ACACB: variants seen among roughly 807,000 people sequenced by gnomAD.
ACACB encodes acetyl-CoA carboxylase beta.
ACACB carries 209 observed loss-of-function variants against 278.8 expected under a neutral mutation model. The observed-to-expected ratio is 0.75, with a 90% CI of 0.67 to 0.84. The LOEUF is 0.84. Among genes scored for constraint, ACACB ranks in the 40% least tolerant of loss-of-function variants. The probability of loss-of-function intolerance (pLI) is 0.00; values close to 1 mark genes in which losing one functional copy is unlikely to be tolerated. For missense variants in ACACB, 2,850 were observed against 3,269.0 expected, an observed-to-expected ratio of 0.87 and a Z score of 3.13; for synonymous variants, 1,174 against 1,285.6, an observed-to-expected ratio of 0.91 and a Z score of 1.86.
At chr12:109,168,780 C>G (rs2044005108) in intron 4 of ACACB, among the ~76,000 whole-genome samples, 1 of 152,130 alleles carries the variant, frequency 6.6e-6, no homozygotes, top group African/African-American at 2.4e-5. Flanking sequence ...TGTGATTACA[C>G]CGCTGCATTC....
rs1272028578 is a variant in ACACB at position 109,237,281 on chromosome 12, C to T, written c.4563C>T (p.His1521=). ...TGCCCTGTGCCAACCACAAGATGCACCTTTACCTGGGTGCTGCCAAGGTGA... is the reference window on the plus strand; with the variant it reads ...TGCCCTGTGCCAACCACAAGATGCATCTTTACCTGGGTGCTGCCAAGGTGA... ...TAVPCANHKM[H]LYLGAAKVKE... is the part of the protein sequence containing the mutation. Residue 1521 remains histidine (H), a synonymous_variant, in exon 34 of 53, where the codon CAC becomes CAT. Coordinates refer to ENST00000338432, the MANE Select transcript of ACACB (RefSeq NM_001093.4). The T allele has an allele frequency of 1.2e-6, 2 of 1,614,180 alleles. No homozygotes were observed. Among genetic ancestry groups the T allele is most frequent in the Non-Finnish European group, 8.5e-7 (1 of 1,180,036 alleles).
At chr12:109,162,045 C>T (rs924714850) in intron 2 of ACACB, among the ~76,000 whole-genome samples, 1 of 150,576 alleles carries the variant, frequency 6.6e-6, no homozygotes, top group East Asian at 2.0e-4. Context: ...GGTGTGATCT[C>T]AGCTCACTGC....
Position 109,241,207 on chromosome 12 carries a change from TTCA to T in ACACB, c.4952_4954del (p.Ile1651del), listed in dbSNP as rs1320470289. The T allele has an allele frequency of 1.2e-6, 2 of 1,614,100 alleles. No individual in the cohort carries two copies. Among genetic ancestry groups the T allele is most frequent in the Non-Finnish European group, 1.7e-6 (2 of 1,180,046 alleles). ...CGGCAGTGCCGTTCCCATCCGCCTG[TTCA>T]TCACCAATGAGTCGGGCTACTACCT... On this transcript the variant is annotated inframe_deletion, in exon 36 of 53. Coordinates refer to ENST00000338432, the MANE Select transcript of ACACB (RefSeq NM_001093.4).
chr12:109,115,271 A>T (rs184055592), upstream of ACACB, among the ~76,000 whole-genome samples: 397 of 152,252 alleles, frequency 2.6e-3, 2 homozygotes, highest in African/African-American at 8.7e-3. Flanking sequence ...TGGAGGGAGG[A>T]TTCAAACCCA....
chr12:109,210,713 G>A (rs1303389381), intron 21 of ACACB, among the ~76,000 whole-genome samples: 4 of 151,168 alleles, frequency 2.6e-5, no homozygotes, highest in Non-Finnish European at 4.4e-5. Context: ...TCAGGAGTTC[G>A]AGACCAGCCT....
chr12:109,249,938 T>G (rs1292230485), intron 40 of ACACB, 46 bp from the exon 41 acceptor site: 1 of 1,563,094 alleles, frequency 6.4e-7, no homozygotes. Context: ...CACCTTGGAT[T>G]TTTTGGGGCT....
At chr12:109,132,142 T>C (rs1240170509) in intron 1 of ACACB, among the ~76,000 whole-genome samples, 7 of 151,666 alleles carry the variant, frequency 4.6e-5, no homozygotes, top group African/African-American at 1.7e-4. Flanking sequence ...ATAGTGACAA[T>C]GACAATAATA....
chr12:109,242,262 G>A, intron 36 of ACACB, 175 bp from the exon 37 acceptor site: 1 of 627,968 alleles, frequency 1.6e-6, no homozygotes, highest in Non-Finnish European at 2.7e-6. Context: ...TTCTTGTTCT[G>A]GCCCTCCACA....
At position 109,245,622 on chromosome 12, in the gene ACACB, C is replaced by G; in HGVS notation, c.5179-4C>G. On this transcript the variant is annotated splice_region_variant and splice_polypyrimidine_tract_variant and intron_variant, in intron 37 of 52. Transcript: ENST00000338432. ...GTTTTTTCTCTTTCCTCTTCTCTCC[C>G]CAGGCTCTCTTTAAACTGTGGGGCT... is the stretch of plus-strand genomic sequence containing the variant. 1 of 1,613,252 alleles carries G rather than the reference C, an allele frequency of 6.2e-7. No homozygotes were observed. The highest frequency in any genetic ancestry group is 2.2e-5 in the East Asian group (1 of 44,870).
chr12:109,177,104 G>T (rs1263228671), intron 9 of ACACB, among the ~76,000 whole-genome samples: 1 of 152,146 alleles, frequency 6.6e-6, no homozygotes, highest in Non-Finnish European at 1.5e-5. Context: ...ATATTTTAAA[G>T]AGCTGTATTC....
intron 11 of ACACB, among the ~76,000 whole-genome samples, chr12:109,183,664 C>T (rs962944763): frequency 2.0e-5 from 3 of 151,912 alleles, no homozygotes; most frequent in Non-Finnish European, 4.4e-5. Flanking sequence ...TTTGTCAATT[C>T]GAATTGTTTT....
chr12:109,232,618 A>G (rs1212595340), intron 28 of ACACB, 51 bp from the exon 29 acceptor site: 1 of 1,595,468 alleles, frequency 6.3e-7, no homozygotes, highest in Admixed American at 1.7e-5. Flanking sequence ...CAGCTCGTAG[A>G]GTTGGGTCTG....
Position 109,166,840 on chromosome 12 carries a change from T to C in ACACB, c.654-21T>C, listed in dbSNP as rs751697373. 8 of 1,613,812 alleles carry C rather than the reference T, an allele frequency of 5.0e-6. No individual in the cohort carries two copies. The Admixed American group carries it at 1.0e-4, about 20-fold the overall frequency. On this transcript the variant is annotated intron_variant, in intron 2 of 52. Transcript: ENST00000338432. ...AGGCTTCTTCCCTCATGCACGTCTG[T>C]CCCTCATTCTTATTCTGCAGGCCGA...
At chr12:109,202,267 C>G (rs894543158) in intron 19 of ACACB, among the ~76,000 whole-genome samples, 2 of 152,060 alleles carry the variant, frequency 1.3e-5, no homozygotes, top group Admixed American at 1.3e-4. Context: ...TGGCCAGTTT[C>G]CCTGTCATTC....
chr12:109,166,337 GA>G (rs1466949132), intron 2 of ACACB, among the ~76,000 whole-genome samples: 4 of 152,024 alleles, frequency 2.6e-5, no homozygotes, highest in African/African-American at 9.7e-5. Flanking sequence ...TCCACCTTGG[GA>G]CAGGTAGAAG....
intron 36 of ACACB, chr12:109,241,842 T>C (rs74729191): frequency 0.013 from 2,007 of 158,656 alleles, 54 homozygotes; most frequent in African/African-American, 0.046. Flanking sequence ...ACACGCCATT[T>C]TTTAAAGAGA....
chr12:109,138,962 G>A (rs766138782), intron 1 of ACACB, among the ~76,000 whole-genome samples: 1 of 152,198 alleles, frequency 6.6e-6, no homozygotes, highest in African/African-American at 2.4e-5. Flanking sequence ...TCACAGAGCT[G>A]TACAACCATC....
chr12:109,267,830 C>T lies in ACACB; in HGVS notation c.*1468C>T, dbSNP rs2047552558. ...GATGGAGGGAGCTGGCCACAACCCA[C>T]TGCTCTGATGGGTGGTTTGTCCAAG... On this transcript the variant is annotated 3_prime_UTR_variant, in exon 53 of 53. Transcript: ENST00000338432. The T allele has an allele frequency of 6.6e-6, 1 of 152,508 alleles. No homozygotes were observed. Among genetic ancestry groups the T allele is most frequent in the African/African-American group, 2.4e-5 (1 of 41,472 alleles). The allele number at this position is 152,508 out of a possible 1,614,324, so 9.4% of individuals were successfully genotyped here.
chr12:109,162,939 T>C (rs1306432480), intron 2 of ACACB, among the ~76,000 whole-genome samples: 3 of 152,206 alleles, frequency 2.0e-5, no homozygotes, highest in African/African-American at 7.2e-5. Context: ...TTTTTCTTTT[T>C]TGAGATGGAG....
Sources: gnomAD v4.1 joint callset for allele counts (sites outside exome capture counted in the v4.1 genomes callset) on GRCh38, gnomAD v4.1.1 for gene constraint, MANE v1.5 for transcripts, NCBI Gene and HGNC (gene_info 2026-07-23, HGNC 2026-07-21) for gene names.